Variants in ZNF577 observed in about 807,000 individuals in gnomAD.
The protein encoded by ZNF577 is zinc finger protein 577.
A neutral mutation model predicts 13.9 loss-of-function variants in ZNF577; 14 were observed. The observed-to-expected ratio is 1.00, with a 90% confidence interval of 0.66 to 1.57. The LOEUF (loss-of-function observed/expected upper bound fraction) is 1.57. Ranked by LOEUF, ZNF577 falls within the 40% of genes most tolerant of loss-of-function variation. The pLI, the probability that ZNF577 is intolerant of heterozygous loss-of-function variation, is 0.00. For missense variants in ZNF577, 555 were observed against 579.2 expected (o/e 0.96, Z 0.43); for synonymous variants, 203 against 202.9 (o/e 1.00, Z 0.00).
chr19:51,832,237 T>C (rs898687114), intron 9 of ZNF577, among the ~76,000 whole-genome samples: 1 of 152,214 alleles, frequency 6.6e-6, no homozygotes, highest in African/African-American at 2.4e-5. Context: ...GCAGAGTTTG[T>C]TAAGCCTGAG....
At chr19:51,844,139 TAAAG>T (rs954660969) in intron 6 of ZNF577, among the ~76,000 whole-genome samples, 13 of 150,040 alleles carry the variant, frequency 8.7e-5, no homozygotes, top group South Asian at 2.1e-4. Context: ...ATGATACTCA[TAAAG>T]AAAAACAGAC....
chr19:51,857,709 G>A (rs1401906566), intron 5 of ZNF577, among the ~76,000 whole-genome samples: 1 of 152,124 alleles, frequency 6.6e-6, no homozygotes, highest in African/African-American at 2.4e-5. Context: ...GCAAGTGACT[G>A]TAGCTTTCAG....
At chr19:51,865,879 G>A (rs943483907), downstream of ZNF577, among the ~76,000 whole-genome samples, 3 of 152,266 alleles carry the variant, frequency 2.0e-5, no homozygotes, top group Non-Finnish European at 4.4e-5. Context: ...CACTTTGGGA[G>A]GCTGAGGCGG....
chr19:51,824,905 A>G lies in ZNF577; in HGVS notation c.*600-13231T>C. On this transcript the variant is annotated intron_variant and NMD_transcript_variant, in intron 9 of 10. Transcript: ENST00000638827. The surrounding 1 kb of genome is among the most constrained non-coding windows in gnomAD (Gnocchi z 4.7). The stretch of plus-strand genomic sequence containing the variant: ...GTTTTTCTTCCTCTTTCATACCACC[A>G]CCACCACAATCATCAACATAAAGGA... 1 of 936,980 alleles carries G rather than the reference A, an allele frequency of 1.1e-6. No homozygotes were observed. 58.0% of individuals were successfully genotyped at this position (936,980 alleles called of 1,614,324 possible).
Position 51,852,933 on chromosome 19 carries a change from C to CTTTTTTTTTTTTTTTT in ZNF577, c.284-8003_284-8002insAAAAAAAAAAAAAAAA, listed in dbSNP as rs112665914. ...GCTCTTTAAAAGACAGTTTTCTTTTCTTTTTTTTTTTCTTTGAGACAGGGT... is the reference window on the plus strand; with the variant it reads ...GCTCTTTAAAAGACAGTTTTCTTTTCTTTTTTTTTTTTTTTTTTTTTTTTTTTCTTTGAGACAGGGT... On this transcript the variant is annotated intron_variant and NMD_transcript_variant, in intron 5 of 10. Coordinates refer to the ZNF577 transcript ENST00000638827. 1.4e-5 allele frequency among the ~76,000 whole-genome samples: 2 copies of CTTTTTTTTTTTTTTTT among 144,022 alleles called. 1 individual carries two copies. The highest frequency in any genetic ancestry group is 5.2e-5 in the African/African-American group (2 of 38,558). 94.5% of individuals were successfully genotyped at this position (144,022 alleles called of 152,430 possible).
downstream of ZNF577, among the ~76,000 whole-genome samples, chr19:51,866,654 T>C (rs747350960): frequency 1.3e-5 from 2 of 152,172 alleles, no homozygotes; most frequent in Non-Finnish European, 2.9e-5. Context: ...TGTTTTGGCA[T>C]CAACAGAAAA....
chr19:51,878,859 T>C, intron 3 of ZNF577: 2 of 202,210 alleles, frequency 9.9e-6, no homozygotes, highest in Non-Finnish European at 2.1e-5. Context: ...ATCAATGAGG[T>C]AGATGTATAC....
At chr19:51,865,141 G>C (rs1269730523), downstream of ZNF577, among the ~76,000 whole-genome samples, 1 of 152,094 alleles carries the variant, frequency 6.6e-6, no homozygotes. Flanking sequence ...TTGTCACCCA[G>C]GCTGGAGTGC....
intron 9 of ZNF577, among the ~76,000 whole-genome samples, chr19:51,828,108 CA>C (rs1019087523): frequency 2.6e-5 from 4 of 152,174 alleles, no homozygotes; most frequent in Non-Finnish European, 5.9e-5. Flanking sequence ...TGGCTGACTC[CA>C]GTAATCCCAG....
At chr19:51,845,223 G>A (rs560117147) in intron 5 of ZNF577, among the ~76,000 whole-genome samples, 7 of 151,998 alleles carry the variant, frequency 4.6e-5, no homozygotes, top group South Asian at 2.1e-4. Context: ...GGCCGGGCAC[G>A]GTGGCTCACA....
chr19:51,866,377 A>G (rs1461347055), downstream of ZNF577, among the ~76,000 whole-genome samples: 1 of 152,166 alleles, frequency 6.6e-6, no homozygotes, highest in Non-Finnish European at 1.5e-5. Flanking sequence ...AAAATAAAAA[A>G]AAGTAAAATA....
chr19:51,836,223 T>C (rs975754147), intron 9 of ZNF577, among the ~76,000 whole-genome samples: 1 of 152,230 alleles, frequency 6.6e-6, no homozygotes, highest in Admixed American at 6.5e-5. Context: ...TAATTTCTAC[T>C]CTTCAAAAAT....
Position 51,846,631 on chromosome 19 carries a change from C to T in ZNF577, c.284-1700G>A, listed in dbSNP as rs1382386872. ...GCTAAGGAATGAGAATCACTTGAAC[C>T]CGGGAGGCAGAGGTTGCAGTGAGCC... On this transcript the variant is annotated intron_variant and NMD_transcript_variant, in intron 5 of 10. Transcript: ENST00000638827. 2.6e-5 allele frequency among the ~76,000 whole-genome samples: 4 copies of T among 152,010 alleles called. No individual in the cohort carries two copies. In the East Asian group the frequency reaches 7.7e-4, roughly 29 times the overall value.
rs2084706231 is a variant in ZNF577, at chr19:51,873,697, A to C, written c.293T>G (p.Ile98Ser). ...AHSQICPGFV[I>S]QSRRYAGKDS... Reference sequence around the variant, plus strand: ...TTTTCCTGCATATCTTCTACTCTGGATTACAAAACCTAAATGAGATTTCAA... The same window carrying C: ...TTTTCCTGCATATCTTCTACTCTGGCTTACAAAACCTAAATGAGATTTCAA... Residue 98 changes from isoleucine (I) to serine (S), a missense_variant, in exon 6 of 6, where the codon ATC becomes AGC. Physicochemically the swap from Ile to Ser is moderately radical, Grantham distance 142. Transcript: ENST00000638348. 7 of 1,604,978 alleles carry C rather than the reference A, an allele frequency of 4.4e-6. No homozygotes were observed. Among genetic ancestry groups the C allele is most frequent in the Non-Finnish European group, 6.0e-6 (7 of 1,175,532 alleles).
intron 5 of ZNF577, among the ~76,000 whole-genome samples, chr19:51,849,251 C>A (rs2084368690): frequency 6.6e-6 from 1 of 152,118 alleles, no homozygotes; most frequent in Non-Finnish European, 1.5e-5. Flanking sequence ...TGGTTTATAA[C>A]ACTTCCTTTT....
rs1200413436 is a variant in ZNF577 at position 51,861,106 on chromosome 19, ACT to A, written c.283+16174_283+16175del. 1.3e-3 allele frequency: 327 copies of A among 252,200 alleles called. 3 individuals carry two copies. Among genetic ancestry groups the A allele is most frequent in the African/African-American group, 6.7e-3 (231 of 34,224 alleles). 15.6% of individuals were successfully genotyped at this position (252,200 alleles called of 1,614,324 possible). On this transcript the variant is annotated intron_variant and NMD_transcript_variant, in intron 5 of 10. Coordinates refer to the ZNF577 transcript ENST00000638827. ...TTGACAATCACTGCACTCATAATTG[ACT>A]CTCTCTTTTTTTTTTTTTTTTTTTT... is the stretch of plus-strand genomic sequence containing the variant.
Position 51,887,042 on chromosome 19 carries a change from G to C in ZNF577, c.-440C>G, listed in dbSNP as rs1365693875. The C allele has an allele frequency of 6.6e-6, 1 of 151,232 alleles. No homozygotes were observed. Among genetic ancestry groups the C allele is most frequent in the Non-Finnish European group, 1.5e-5 (1 of 67,994 alleles). The allele number at this position is 151,232 out of a possible 1,614,324, so 9.4% of individuals were successfully genotyped here. ...AAAATTAGGAACAAAAAAGGAAAGG[G>C]GGAGGGGTCTTATGCAAAAAAAAAG... On this transcript the variant is annotated 5_prime_UTR_variant, in exon 1 of 6. Coordinates refer to ENST00000638348, the MANE Select transcript of ZNF577 (RefSeq NM_001370449.1).
At chr19:51,877,136 C>T (rs893939254) in intron 5 of ZNF577, 146 bp downstream of exon 5, 23 of 610,940 alleles carry the variant, frequency 3.8e-5, no homozygotes, top group Non-Finnish European at 6.7e-5. Context: ...TAGGGATGGA[C>T]ACAGATGCAG....
intron 1 of ZNF577, among the ~76,000 whole-genome samples, chr19:51,884,630 ACAAAT>A (rs2122730673): frequency 6.6e-6 from 1 of 151,926 alleles, no homozygotes; most frequent in Admixed American, 6.5e-5. Flanking sequence ...ATTTCCAAAC[ACAAAT>A]CAATAGAATA....
Sources: gnomAD v4.1 joint callset for allele counts (sites outside exome capture counted in the v4.1 genomes callset) on GRCh38, gnomAD v4.1.1 for gene constraint, Gnocchi (gnomAD v3.1) non-coding constraint, MANE v1.5 for transcripts, NCBI Gene and HGNC (gene_info 2026-07-23, HGNC 2026-07-21) for gene names.